METAP2: variants seen among roughly 807,000 people sequenced by gnomAD.
METAP2 encodes the protein methionyl aminopeptidase 2.
A neutral mutation model predicts 59.4 loss-of-function variants in METAP2; 25 were observed. The observed-to-expected ratio is 0.42, with a 90% CI of 0.31 to 0.59. The LOEUF is 0.59. Ranked by LOEUF, METAP2 falls within the 20% of genes least tolerant of loss-of-function variation. The pLI is 0.16. For synonymous variants in METAP2, 214 were observed against 194.1 expected (o/e 1.10, Z -0.85); for missense variants, 366 against 581.2 (o/e 0.63, Z 3.81).
chr12:95,508,949 A>G (rs980184975), intron 8 of METAP2, among the ~76,000 whole-genome samples: 2 of 130,276 alleles, frequency 1.5e-5, no homozygotes, highest in South Asian at 2.6e-4. Context: ...TGGAAAAATC[A>G]TGATAATAGG....
At position 95,474,165 on chromosome 12, in the gene METAP2, G is replaced by C. The variant is rs749955767; in HGVS notation, c.-15G>C. On this transcript the variant is annotated 5_prime_UTR_variant, in exon 1 of 11. Transcript: ENST00000323666. ...TCGCCGCTCTGTCTCATTCCCTCGC[G>C]CTCTCTCGGGCAACATGGCGGGTGT... 1 of 1,612,702 alleles carries C rather than the reference G, an allele frequency of 6.2e-7. No individual in the cohort carries two copies. Among genetic ancestry groups the C allele is most frequent in the African/African-American group, 1.3e-5 (1 of 74,868 alleles).
intron 4 of METAP2, among the ~76,000 whole-genome samples, chr12:95,491,329 G>T (rs1439535905): frequency 1.3e-5 from 2 of 152,038 alleles, no homozygotes; most frequent in Non-Finnish European, 2.9e-5. Context: ...GTGGATTTTT[G>T]ATTCTTTCAT....
chr12:95,474,449 C>G (rs2076102572), intron 1 of METAP2, 119 bp downstream of exon 1: 10 of 1,118,996 alleles, frequency 8.9e-6, no homozygotes, highest in Non-Finnish European at 1.3e-5. Flanking sequence ...ATTCTTGGGC[C>G]TGACAGGGTG....
rs199913836 is a variant in METAP2 at position 95,474,172 on chromosome 12, C to T, written c.-8C>T. On this transcript the variant is annotated 5_prime_UTR_variant, in exon 1 of 11. Coordinates refer to ENST00000323666, the MANE Select transcript of METAP2 (RefSeq NM_006838.4). ...TCTGTCTCATTCCCTCGCGCTCTCT[C>T]GGGCAACATGGCGGGTGTGGAGGAG... The T allele has an allele frequency of 2.4e-5, 38 of 1,613,372 alleles. No individual in the cohort carries two copies. The highest frequency in any genetic ancestry group is 2.9e-5 in the Non-Finnish European group (34 of 1,179,774).
chr12:95,509,965 A>G (rs2076390465), intron 8 of METAP2, among the ~76,000 whole-genome samples: 2 of 151,344 alleles, frequency 1.3e-5, no homozygotes, highest in African/African-American at 4.9e-5. Context: ...CAGCCTCCCA[A>G]ATAGCTGGGA....
At chr12:95,513,052 AAAAAT>A (rs1342531274) in intron 10 of METAP2, 136 bp downstream of exon 10, 6 of 576,102 alleles carry the variant, frequency 1.0e-5, no homozygotes, top group African/African-American at 1.9e-5. Flanking sequence ...AATAAGAAAA[AAAAAT>A]AGCCTGTTAA....
At chr12:95,513,598 A>T in intron 10 of METAP2, 54 bp from the exon 11 acceptor site, 3 of 1,568,030 alleles carry the variant, frequency 1.9e-6, no homozygotes, top group Non-Finnish European at 2.6e-6. Context: ...TTAATGAGGG[A>T]AATCAGTTCG....
At chr12:95,509,741 C>T (rs913214704) in intron 8 of METAP2, among the ~76,000 whole-genome samples, 1 of 151,856 alleles carries the variant, frequency 6.6e-6, no homozygotes, top group Non-Finnish European at 1.5e-5. Flanking sequence ...TTGTAACATA[C>T]TTGTTCATTG....
chr12:95,501,613 G>T (rs1293131297), intron 7 of METAP2, among the ~76,000 whole-genome samples: 3 of 152,056 alleles, frequency 2.0e-5, no homozygotes, highest in African/African-American at 7.3e-5. Context: ...TACTCAGGAG[G>T]CTGAGGCAGG....
intron 3 of METAP2, among the ~76,000 whole-genome samples, chr12:95,483,674 A>G (rs2076176080): frequency 6.6e-6 from 1 of 152,118 alleles, no homozygotes; most frequent in Non-Finnish European, 1.5e-5. Context: ...GCTGTTAGCT[A>G]AGGGATGTCG....
At chr12:95,488,407 G>A (rs2076213080) in intron 4 of METAP2, among the ~76,000 whole-genome samples, 1 of 151,032 alleles carries the variant, frequency 6.6e-6, no homozygotes, top group African/African-American at 2.4e-5. Context: ...TACTCGGGGG[G>A]CTGAGGCAGG....
intron 7 of METAP2, among the ~76,000 whole-genome samples, chr12:95,503,624 T>G (rs991904396): frequency 6.6e-6 from 1 of 152,150 alleles, no homozygotes; most frequent in Non-Finnish European, 1.5e-5. Context: ...TCCCTGATGT[T>G]TAGGACATAG....
chr12:95,502,073 G>T (rs2076320422), intron 7 of METAP2, among the ~76,000 whole-genome samples: 1 of 151,060 alleles, frequency 6.6e-6, no homozygotes, highest in Admixed American at 6.6e-5. Flanking sequence ...TATGATCATG[G>T]CTCACTGCAT....
At chr12:95,508,159 T>A (rs1301678731) in intron 8 of METAP2, among the ~76,000 whole-genome samples, 1 of 152,162 alleles carries the variant, frequency 6.6e-6, no homozygotes, top group African/African-American at 2.4e-5. Context: ...AAGACATGAT[T>A]TAAATTTACT....
intron 9 of METAP2, among the ~76,000 whole-genome samples, 154 bp downstream of exon 9, chr12:95,512,152 A>G (rs1050922522): frequency 1.3e-5 from 2 of 152,142 alleles, no homozygotes; most frequent in Non-Finnish European, 2.9e-5. Context: ...GAATTTGCAA[A>G]TTGTGTATAG....
intron 2 of METAP2, among the ~76,000 whole-genome samples, chr12:95,481,332 G>T (rs1346429813): frequency 6.6e-6 from 1 of 152,174 alleles, no homozygotes; most frequent in Non-Finnish European, 1.5e-5. Context: ...GATTTCCTGA[G>T]TCTGGGAGAT....
At chr12:95,492,156 A>G (rs4762520) in intron 4 of METAP2, among the ~76,000 whole-genome samples, 37 of 60,132 alleles carry the variant, frequency 6.2e-4, no homozygotes, top group African/African-American at 1.2e-3. Flanking sequence ...GTGTGTGTGT[A>G]TGTATATGTG....
At chr12:95,487,151 GTTA>G (rs1184706730) in intron 4 of METAP2, among the ~76,000 whole-genome samples, 1 of 152,156 alleles carries the variant, frequency 6.6e-6, no homozygotes, top group Non-Finnish European at 1.5e-5. Context: ...GCTAGTTCCT[GTTA>G]TTCAAAGTAA....
intron 4 of METAP2, among the ~76,000 whole-genome samples, chr12:95,491,059 C>G (rs953949665): frequency 2.0e-5 from 3 of 147,196 alleles, no homozygotes; most frequent in Admixed American, 6.8e-5. Flanking sequence ...TGTTTGACCT[C>G]TTGATTAATG....
Sources: gnomAD v4.1 joint callset for allele counts (sites outside exome capture counted in the v4.1 genomes callset) on GRCh38, gnomAD v4.1.1 for gene constraint, MANE v1.5 for transcripts, NCBI Gene and HGNC (gene_info 2026-07-23, HGNC 2026-07-21) for gene names.